GRIK4: variants seen among roughly 807,000 people sequenced by gnomAD.
GRIK4 encodes glutamate receptor ionotropic, kainate 4.
Under a neutral mutation model 104.9 loss-of-function variants are expected in GRIK4, and 40 were observed. That is an observed-to-expected ratio of 0.38 (90% CI 0.30 to 0.50). The LOEUF (loss-of-function observed/expected upper bound fraction) is 0.50. GRIK4 is among the 20% of genes least tolerant of loss of function. GRIK4 has a pLI of 0.93. For missense variants in GRIK4, 1,047 were observed against 1,308.1 expected (o/e 0.80, Z 3.08); for synonymous variants, 485 against 524.9 (o/e 0.92, Z 1.04).
At chr11:120,751,188 T>C (rs1951544251) in intron 3 of GRIK4, among the ~76,000 whole-genome samples, 1 of 151,304 alleles carries the variant, frequency 6.6e-6, no homozygotes, top group Non-Finnish European at 1.5e-5. Flanking sequence ...ATTAACAAGC[T>C]CTCTGTGGTC....
At chr11:120,574,329 A>G (rs1195700915) in intron 1 of GRIK4, among the ~76,000 whole-genome samples, 4 of 152,156 alleles carry the variant, frequency 2.6e-5, no homozygotes, top group Non-Finnish European at 5.9e-5. Context: ...TGGTGGAGGG[A>G]TGATCATAAC....
chr11:120,730,046 GC>G (rs1437578141), intron 3 of GRIK4, among the ~76,000 whole-genome samples: 1 of 152,052 alleles, frequency 6.6e-6, no homozygotes, highest in Non-Finnish European at 1.5e-5. Flanking sequence ...TACATTCTTG[GC>G]ACCTTTGTTG....
chr11:120,550,250 G>T (rs554853234), intron 1 of GRIK4, among the ~76,000 whole-genome samples: 1 of 151,056 alleles, frequency 6.6e-6, no homozygotes, highest in Admixed American at 6.6e-5. Flanking sequence ...TGCTGCTGCC[G>T]CAGGGCTGAA....
intron 1 of GRIK4, among the ~76,000 whole-genome samples, chr11:120,517,895 T>C (rs1947750431): frequency 6.6e-6 from 1 of 151,862 alleles, no homozygotes; most frequent in African/African-American, 2.4e-5. Context: ...TTTAATAGAA[T>C]GAGAAATCAA....
intron 3 of GRIK4, among the ~76,000 whole-genome samples, chr11:120,758,822 G>A (rs570988372): frequency 6.6e-6 from 1 of 152,246 alleles, no homozygotes; most frequent in South Asian, 2.1e-4. Context: ...AACTTCTCAA[G>A]GGACACTGGT....
In GRIK4 at chr11:120,986,107, G is replaced by A. The variant is rs754815567; in HGVS notation, c.2718G>A (p.Ala906=). 1 of 1,513,596 alleles carries A rather than the reference G, an allele frequency of 6.6e-7. No homozygotes were observed. The highest frequency in any genetic ancestry group is 2.0e-4 in the Middle Eastern group (1 of 5,002). 93.8% of individuals were successfully genotyped at this position (1,513,596 alleles called of 1,614,324 possible). The stretch of plus-strand genomic sequence containing the variant: ...CCGACCAGCTCGCGCAGAGACTGGC[G>A]CAGGAGGCCGCCCTGGTGGCCCGCG... ...GEPDQLAQRL[A]QEAALVARGC... is the part of the protein sequence containing the mutation. Residue 906 remains alanine, a synonymous_variant, in exon 21 of 21, where the codon GCG becomes GCA. Coordinates refer to ENST00000527524, the MANE Select transcript of GRIK4 (RefSeq NM_014619.5).
At chr11:120,565,940 TG>T (rs1591698733) in intron 1 of GRIK4, among the ~76,000 whole-genome samples, 1 of 152,176 alleles carries the variant, frequency 6.6e-6, no homozygotes, top group East Asian at 1.9e-4. Context: ...GCTTGGGGTG[TG>T]ACTTTGGTAT....
intron 1 of GRIK4, among the ~76,000 whole-genome samples, chr11:120,597,695 C>A (rs556234131): frequency 4.4e-4 from 66 of 151,372 alleles, no homozygotes; most frequent in Non-Finnish European, 7.2e-4. Context: ...TTCAGTGCAG[C>A]CCCCCGCTTT....
intron 1 of GRIK4, among the ~76,000 whole-genome samples, chr11:120,597,405 C>T (rs896209180): frequency 6.6e-6 from 1 of 152,106 alleles, no homozygotes; most frequent in African/African-American, 2.4e-5. Context: ...GGGCAGTTGC[C>T]AGTTCCCTCT....
At chr11:120,810,422 G>T (rs1952806535) in intron 4 of GRIK4, among the ~76,000 whole-genome samples, 1 of 152,182 alleles carries the variant, frequency 6.6e-6, no homozygotes, top group African/African-American at 2.4e-5. Context: ...TCCTAAAGGC[G>T]GCTGACTCAG....
intron 6 of GRIK4, among the ~76,000 whole-genome samples, chr11:120,828,700 G>A (rs1218275739): frequency 6.6e-6 from 1 of 152,140 alleles, no homozygotes; most frequent in Non-Finnish European, 1.5e-5. Flanking sequence ...GCAATTCTGG[G>A]CGGGATGCGG....
chr11:120,766,055 C>T lies in GRIK4; in HGVS notation c.83-36638C>T, dbSNP rs555003510. ...AGTCTGCTGAAGTTGTGCCCACAGC[C>T]GCCCCTTCCCCCAGGTGCTCTGTCC... On this transcript the variant is annotated intron_variant, in intron 3 of 20. Coordinates refer to ENST00000527524, the MANE Select transcript of GRIK4 (RefSeq NM_014619.5). Among the ~76,000 whole-genome samples, 52 of 152,328 alleles carry T rather than the reference C, an allele frequency of 3.4e-4. 2 individuals carry two copies. In the South Asian group the frequency reaches 0.011, roughly 31 times the overall value.
At chr11:120,554,530 TCTCTCTGTCG>T (rs1205495019) in intron 1 of GRIK4, among the ~76,000 whole-genome samples, 2 of 151,956 alleles carry the variant, frequency 1.3e-5, no homozygotes, top group East Asian at 1.9e-4. Flanking sequence ...CCTTCCAGTC[TCTCTCTGTCG>T]CTCTCTTTTT....
At chr11:120,690,858 T>C (rs1276338476) in intron 3 of GRIK4, among the ~76,000 whole-genome samples, 1 of 152,244 alleles carries the variant, frequency 6.6e-6, no homozygotes, top group Non-Finnish European at 1.5e-5. Context: ...TTGCCCTTCT[T>C]TTATGTGGCT....
At chr11:120,515,379 G>C (rs1201503610) in intron 1 of GRIK4, among the ~76,000 whole-genome samples, 3 of 152,126 alleles carry the variant, frequency 2.0e-5, no homozygotes, top group Non-Finnish European at 4.4e-5. Flanking sequence ...AGCCTCACTG[G>C]CCTCACCTGT....
At chr11:120,717,375 T>C (rs991389525) in intron 3 of GRIK4, among the ~76,000 whole-genome samples, 6 of 152,186 alleles carry the variant, frequency 3.9e-5, no homozygotes, top group African/African-American at 1.4e-4. Context: ...CCCTGGGGCT[T>C]CTTCCCTACT....
intron 13 of GRIK4, among the ~76,000 whole-genome samples, chr11:120,907,550 A>T (rs1942896024): frequency 6.6e-6 from 1 of 152,212 alleles, no homozygotes; most frequent in South Asian, 2.1e-4. Flanking sequence ...ATATTTATTG[A>T]ACATCTTCCA....
At chr11:120,585,625 G>A (rs1948651882) in intron 1 of GRIK4, among the ~76,000 whole-genome samples, 1 of 151,500 alleles carries the variant, frequency 6.6e-6, no homozygotes, top group Admixed American at 6.6e-5. Flanking sequence ...TCTGAGTATT[G>A]CCTAATCCAA....
chr11:120,824,546 T>TATTTTTTTC (rs1953206189), intron 6 of GRIK4, among the ~76,000 whole-genome samples: 3 of 149,260 alleles, frequency 2.0e-5, no homozygotes, highest in Non-Finnish European at 4.5e-5. Flanking sequence ...TCTTTTTTTT[T>TATTTTTTTC]TCTTTTCTTT....
Sources: gnomAD v4.1 joint callset for allele counts (sites outside exome capture counted in the v4.1 genomes callset) on GRCh38, gnomAD v4.1.1 for gene constraint, MANE v1.5 for transcripts, NCBI Gene and HGNC (gene_info 2026-07-23, HGNC 2026-07-21) for gene names.